MTMR8: variants seen among roughly 807,000 people sequenced by gnomAD.
MTMR8 encodes myotubularin related protein 8.
A neutral mutation model predicts 39.3 loss-of-function variants in MTMR8; 65 were observed. The observed-to-expected ratio is 1.65, with a 90% CI of 1.35 to 2.03. The LOEUF (loss-of-function observed/expected upper bound fraction) is 2.03, where lower values mean the gene tolerates loss of function less well. MTMR8 is among the 30% of genes most tolerant of loss of function. The pLI is 0.00. For missense variants in MTMR8, 777 were observed against 538.9 expected (o/e 1.44, Z -4.37); for synonymous variants, 245 against 185.2 (o/e 1.32, Z -2.62).
At position 64,348,716 on chromosome X, in the gene MTMR8, T is replaced by A. The variant is rs1256029320; in HGVS notation, c.676A>T (p.Ile226Phe). The change falls in exon 6 of 14, where the codon ATT becomes TTT. Residue 226 changes from isoleucine (I) to phenylalanine (F), a missense_variant. By Grantham distance (21) the Ile-to-Phe change is conservative. Coordinates refer to ENST00000374852, the MANE Select transcript of MTMR8 (RefSeq NM_017677.4). ...CVDDELLLEA[I>F]SQTNPGSQFM... ...TGGCTCCCTGGGTTTGTTTGGCTAA[T>A]GGCCTCCAACAAGAGCTCATCATCT... 1 of 1,209,417 alleles carries A rather than the reference T, an allele frequency of 8.3e-7. No homozygotes were observed. The highest frequency in any genetic ancestry group is 1.7e-5 in the African/African-American group (1 of 57,205).
chrX:64,333,368 A>T (rs1469637814), intron 10 of MTMR8, among the ~76,000 whole-genome samples: 1 of 111,618 alleles, frequency 9.0e-6, no homozygotes, highest in African/African-American at 3.3e-5. Flanking sequence ...AAGTAGAAAA[A>T]AAAATTTCTA....
At chrX:64,369,227 C>G (rs1331410456) in intron 1 of MTMR8, among the ~76,000 whole-genome samples, 1 of 111,521 alleles carries the variant, frequency 9.0e-6, no homozygotes. Flanking sequence ...GGATCTAGAA[C>G]TAGAAATACC....
At chrX:64,306,238 G>C (rs924341843) in intron 12 of MTMR8, 25 of 333,684 alleles carry the variant, frequency 7.5e-5, no homozygotes, top group Middle Eastern at 1.1e-3. Context: ...CAAACATTCT[G>C]ATGAAGTGAA....
At chrX:64,330,752 G>A (rs779657398) in intron 11 of MTMR8, among the ~76,000 whole-genome samples, 1 of 111,723 alleles carries the variant, frequency 9.0e-6, no homozygotes, top group East Asian at 2.8e-4. Context: ...CAACAAGAGT[G>A]AGTTTGCCTC....
intron 12 of MTMR8, among the ~76,000 whole-genome samples, chrX:64,275,648 C>CAAAAAAAAAAA (rs60193863): frequency 2.5e-5 from 1 of 40,693 alleles, no homozygotes; most frequent in African/African-American, 6.9e-5. Flanking sequence ...GAGTCTCTCT[C>CAAAAAAAAAAA]AAAAAAAAAA....
intron 12 of MTMR8, among the ~76,000 whole-genome samples, chrX:64,279,104 G>A (rs1244357930): frequency 1.8e-5 from 2 of 111,796 alleles, no homozygotes; most frequent in East Asian, 5.6e-4. Context: ...GCTGTGCTGG[G>A]AGATCCACTG....
At position 64,289,275 on chromosome X, in the gene MTMR8, A is replaced by G. The variant is rs763210064; in HGVS notation, c.1482-18202T>C. Among the ~76,000 whole-genome samples, 5 of 110,916 alleles carry G rather than the reference A, an allele frequency of 4.5e-5. No individual in the cohort carries two copies. The South Asian group carries it at 1.5e-3, about 34-fold the overall frequency. On this transcript the variant is annotated intron_variant, in intron 12 of 13. Coordinates refer to ENST00000374852, the MANE Select transcript of MTMR8 (RefSeq NM_017677.4). Reference sequence around the variant, plus strand: ...AAGGAACAAAGAACAAAGAATAACAAGTTTTGGTGAGGATGTGGAAAAATT... The same window carrying G: ...AAGGAACAAAGAACAAAGAATAACAGGTTTTGGTGAGGATGTGGAAAAATT...
At chrX:64,383,088 G>T (rs1330777896) in intron 1 of MTMR8, among the ~76,000 whole-genome samples, 1 of 111,514 alleles carries the variant, frequency 9.0e-6, no homozygotes, top group Non-Finnish European at 1.9e-5. Flanking sequence ...AGCTTTACAT[G>T]TCATATTTCA....
At chrX:64,372,976 T>TA (rs771869049) in intron 1 of MTMR8, among the ~76,000 whole-genome samples, 36 of 111,668 alleles carry the variant, frequency 3.2e-4, no homozygotes, top group Non-Finnish European at 5.6e-4. Flanking sequence ...CAGACCCCAA[T>TA]AACACCAATC....
At chrX:64,279,635 C>A (rs755101508) in intron 12 of MTMR8, among the ~76,000 whole-genome samples, 1 of 111,533 alleles carries the variant, frequency 9.0e-6, no homozygotes, top group African/African-American at 3.3e-5. Flanking sequence ...AAAAATACAT[C>A]CTAAAATTCA....
rs1921734448 is a variant in MTMR8, at chrX:64,299,001, T to C, written c.1482-27928A>G. 4.2e-5 allele frequency among the ~76,000 whole-genome samples: 3 copies of C among 70,908 alleles called. No homozygotes were observed. In the Admixed American group the frequency reaches 4.8e-4, roughly 11 times the overall value. 61.6% of individuals were successfully genotyped at this position (70,908 alleles called of 115,157 possible). A position where few individuals can be genotyped will look rare whatever the true frequency, so the allele number is the denominator to read the frequency against. On this transcript the variant is annotated intron_variant, in intron 12 of 13. Transcript: ENST00000374852. The stretch of plus-strand genomic sequence containing the variant: ...TTTGCCAGTATTTTATCGAGGATTT[T>C]TGCATCAATGTTCATCAAGGATATT...
At chrX:64,356,697 T>C (rs1008538089) in intron 2 of MTMR8, among the ~76,000 whole-genome samples, 9 of 111,323 alleles carry the variant, frequency 8.1e-5, no homozygotes, top group African/African-American at 2.3e-4. Flanking sequence ...GGAATTTTTT[T>C]TCTTATATCA....
chrX:64,393,920 T>A (rs1221462983), intron 1 of MTMR8, among the ~76,000 whole-genome samples: 1 of 112,583 alleles, frequency 8.9e-6, no homozygotes, highest in Non-Finnish European at 1.9e-5. Context: ...AACCATCTTG[T>A]GAAGTGAGCC....
At chrX:64,284,527 T>G (rs1339851981) in intron 12 of MTMR8, among the ~76,000 whole-genome samples, 1 of 111,440 alleles carries the variant, frequency 9.0e-6, no homozygotes, top group Non-Finnish European at 1.9e-5. Context: ...AATTGTCAGA[T>G]TCATCAAAGT....
chrX:64,375,829 C>T (rs946117003), intron 1 of MTMR8, among the ~76,000 whole-genome samples: 1 of 111,787 alleles, frequency 8.9e-6, no homozygotes, highest in Non-Finnish European at 1.9e-5. Context: ...GGCTCTGTGT[C>T]CCCACCCAAA....
intron 12 of MTMR8, among the ~76,000 whole-genome samples, chrX:64,275,402 A>C (rs980153385): frequency 1.8e-5 from 2 of 110,431 alleles, no homozygotes; most frequent in African/African-American, 6.6e-5. Context: ...AATCAAAGAA[A>C]CTAAGAGGTG....
chrX:64,300,082 G>T (rs1170602602), intron 12 of MTMR8, among the ~76,000 whole-genome samples: 96 of 100,054 alleles, frequency 9.6e-4, no homozygotes, highest in African/African-American at 3.4e-3. Flanking sequence ...GAGTTCTGTA[G>T]ATGTCTATTA....
chrX:64,292,379 C>T (rs1416659657), intron 12 of MTMR8, among the ~76,000 whole-genome samples: 2 of 111,415 alleles, frequency 1.8e-5, no homozygotes, highest in African/African-American at 6.5e-5. Context: ...AGTGGCTATC[C>T]TACTCAAGGG....
chrX:64,312,810 A>G (rs768067062), intron 12 of MTMR8, among the ~76,000 whole-genome samples: 9 of 112,468 alleles, frequency 8.0e-5, no homozygotes, highest in Non-Finnish European at 1.7e-4. Flanking sequence ...ATTCATCTGC[A>G]TGCAGATCTC....
Sources: allele counts gnomAD v4.1 joint callset (sites outside exome capture counted in the v4.1 genomes callset), GRCh38; gene constraint gnomAD v4.1.1; transcripts MANE v1.5; gene names NCBI Gene and HGNC (gene_info 2026-07-23, HGNC 2026-07-21).